Variants in SLC44A5 observed in about 807,000 individuals in gnomAD.
SLC44A5 encodes solute carrier family 44 member 5.
A neutral mutation model predicts 101.8 loss-of-function variants in SLC44A5; 57 were observed. That is an observed-to-expected ratio of 0.56 (90% CI 0.45 to 0.70). SLC44A5 has a LOEUF of 0.70. SLC44A5 is among the 30% of genes least tolerant of loss of function. SLC44A5 has a pLI of 0.00. For missense variants in SLC44A5, 737 were observed against 853.1 expected (o/e 0.86, Z 1.70); for synonymous variants, 281 against 290.9 (o/e 0.97, Z 0.35).
the SLC44A5 span, among the ~76,000 whole-genome samples, chr1:75,720,737 G>C: frequency 6.6e-6 from 1 of 152,256 alleles, no homozygotes; most frequent in Non-Finnish European, 1.5e-5. Context: ...CATGTGCTCA[G>C]GGTGGTTGGG....
At chr1:75,462,181 G>C (rs1016466088) in intron 2 of SLC44A5, among the ~76,000 whole-genome samples, 7 of 152,188 alleles carry the variant, frequency 4.6e-5, no homozygotes, top group Non-Finnish European at 7.3e-5. Flanking sequence ...AGTTGACTCA[G>C]AACAAAGATA....
intron 4 of SLC44A5, among the ~76,000 whole-genome samples, chr1:75,324,383 A>C (rs1656413853): frequency 6.6e-6 from 1 of 152,208 alleles, no homozygotes; most frequent in African/African-American, 2.4e-5. Flanking sequence ...ATTTAAACTG[A>C]AAGTTCTATT....
At chr1:75,683,155 G>C in the SLC44A5 span, among the ~76,000 whole-genome samples, 1 of 151,406 alleles carries the variant, frequency 6.6e-6, no homozygotes, top group African/African-American at 2.4e-5. Flanking sequence ...TACACTGTTG[G>C]TGGGACTGTA....
chr1:75,413,748 G>A (rs767499798), intron 2 of SLC44A5, among the ~76,000 whole-genome samples: 39 of 152,082 alleles, frequency 2.6e-4, no homozygotes, highest in Admixed American at 3.3e-4. Flanking sequence ...CAAGTCTTTG[G>A]GCTAATGTTA....
intron 5 of SLC44A5, among the ~76,000 whole-genome samples, chr1:75,293,470 T>C (rs992656022): frequency 6.6e-6 from 1 of 152,182 alleles, no homozygotes; most frequent in Non-Finnish European, 1.5e-5. Flanking sequence ...TTTCGAATCA[T>C]TACTTTGTAT....
intron 4 of SLC44A5, among the ~76,000 whole-genome samples, chr1:75,305,720 T>C (rs1479443045): frequency 6.6e-6 from 1 of 152,234 alleles, no homozygotes; most frequent in Non-Finnish European, 1.5e-5. Context: ...GGTTTACACC[T>C]CTTTCCCTAG....
intron 4 of SLC44A5, among the ~76,000 whole-genome samples, chr1:75,330,817 G>A (rs1656995786): frequency 1.3e-5 from 2 of 152,012 alleles, no homozygotes; most frequent in Non-Finnish European, 2.9e-5. Context: ...GCTTGCTCTT[G>A]ATGAAGTCAC....
chr1:75,436,565 G>A (rs1303892522), intron 2 of SLC44A5, among the ~76,000 whole-genome samples: 1 of 152,120 alleles, frequency 6.6e-6, no homozygotes, highest in Non-Finnish European at 1.5e-5. Context: ...CAGTGAGTGA[G>A]TGCTGAGTAA....
In SLC44A5 at chr1:75,556,743, C is replaced by T. The variant is rs574024609; in HGVS notation, c.-69-15227G>A. On this transcript the variant is annotated intron_variant, in intron 1 of 23. Coordinates refer to ENST00000370859, the MANE Select transcript of SLC44A5 (RefSeq NM_001130058.2). ...AGGCAATTCAGGTCTGTTTTACCTA[C>T]TAAGTAATTTGGACAAGGACGGGTA... 2.0e-5 allele frequency among the ~76,000 whole-genome samples: 3 copies of T among 152,176 alleles called. No homozygotes were observed. The East Asian group carries it at 5.8e-4, about 29-fold the overall frequency.
the SLC44A5 span, among the ~76,000 whole-genome samples, chr1:75,691,761 G>A: frequency 6.6e-6 from 1 of 152,200 alleles, no homozygotes; most frequent in Non-Finnish European, 1.5e-5. Flanking sequence ...CTGGCTTGCA[G>A]ATAGCTGCCT....
At chr1:75,675,796 A>C in the SLC44A5 span, among the ~76,000 whole-genome samples, 1 of 152,190 alleles carries the variant, frequency 6.6e-6, no homozygotes, top group Admixed American at 6.5e-5. Flanking sequence ...AATTTTTGCA[A>C]TCTATCCATC....
intron 5 of SLC44A5, among the ~76,000 whole-genome samples, chr1:75,284,770 A>G (rs1169144002): frequency 6.6e-6 from 1 of 152,068 alleles, no homozygotes; most frequent in Non-Finnish European, 1.5e-5. Flanking sequence ...AGATGATCAT[A>G]CAATTTTTGT....
chr1:75,590,056 A>AG (rs1674259611), intron 1 of SLC44A5, among the ~76,000 whole-genome samples: 1 of 151,988 alleles, frequency 6.6e-6, no homozygotes, highest in Admixed American at 6.6e-5. Flanking sequence ...ACAGTGGATT[A>AG]GGGGGGCACA....
At chr1:75,464,498 A>C (rs1445516516) in intron 2 of SLC44A5, among the ~76,000 whole-genome samples, 1 of 152,106 alleles carries the variant, frequency 6.6e-6, no homozygotes, top group Non-Finnish European at 1.5e-5. Context: ...AGGGAAGAAA[A>C]GACCACAAAA....
Position 75,553,877 on chromosome 1 carries a change from G to A in SLC44A5, c.-69-12361C>T, listed in dbSNP as rs943957173. On this transcript the variant is annotated intron_variant, in intron 1 of 23. Transcript: ENST00000370859. ...GCTTCACTACCAGTAAGGAATCCTTGTGGAGCAGGAGGAGGAGGAGGAGGA... is the reference window on the plus strand; with the variant it reads ...GCTTCACTACCAGTAAGGAATCCTTATGGAGCAGGAGGAGGAGGAGGAGGA... Among the ~76,000 whole-genome samples the A allele has an allele frequency of 2.0e-5, 3 of 149,790 alleles. No individual in the cohort carries two copies. In the South Asian group the frequency reaches 6.4e-4, roughly 32 times the overall value.
chr1:75,486,447 TC>T (rs1557838092), intron 2 of SLC44A5, among the ~76,000 whole-genome samples: 1 of 152,244 alleles, frequency 6.6e-6, no homozygotes, highest in African/African-American at 2.4e-5. Context: ...AATGTTTTAC[TC>T]TTATTCTATT....
At chr1:75,484,212 C>T (rs1158938902) in intron 2 of SLC44A5, among the ~76,000 whole-genome samples, 1 of 152,122 alleles carries the variant, frequency 6.6e-6, no homozygotes, top group African/African-American at 2.4e-5. Context: ...AGTCCAAGTT[C>T]TGAGACAAGG....
chr1:75,267,032 T>C (rs917357886), intron 6 of SLC44A5, among the ~76,000 whole-genome samples: 8 of 152,318 alleles, frequency 5.3e-5, no homozygotes, highest in Non-Finnish European at 1.0e-4. Context: ...ATCGAATCCA[T>C]AGCTTTCTTG....
chr1:75,652,707 T>TG, the SLC44A5 span, among the ~76,000 whole-genome samples: 2 of 152,164 alleles, frequency 1.3e-5, no homozygotes, highest in Non-Finnish European at 2.9e-5. Context: ...GGCAGAAGGA[T>TG]GGCTTGTGCC....
Sources: allele counts gnomAD v4.1 joint callset (sites outside exome capture counted in the v4.1 genomes callset), GRCh38; gene constraint gnomAD v4.1.1; transcripts MANE v1.5; gene names NCBI Gene and HGNC (gene_info 2026-07-23, HGNC 2026-07-21).